PCDHA11: variants seen among roughly 807,000 people sequenced by gnomAD.
PCDHA11 encodes protocadherin alpha 11.
PCDHA11 carries 61 observed loss-of-function variants against 70.3 expected under a neutral mutation model. The observed-to-expected ratio is 0.87, with a 90% CI of 0.71 to 1.07. PCDHA11 has a LOEUF of 1.07. PCDHA11 is among the 50% of genes least tolerant of loss of function. PCDHA11 has a pLI of 0.00. For missense variants in PCDHA11, 1,324 were observed against 1,237.5 expected, an observed-to-expected ratio of 1.07 and a Z score of -1.05; for synonymous variants, 633 against 555.1, an observed-to-expected ratio of 1.14 and a Z score of -1.97.
chr5:140,895,820 T>A (rs1409721318), intron 1 of PCDHA11, among the ~76,000 whole-genome samples: 2 of 152,156 alleles, frequency 1.3e-5, no homozygotes, highest in Non-Finnish European at 2.9e-5. Context: ...TATTGTATTG[T>A]ATTTTTTTCA....
In PCDHA11 at chr5:141,000,775, C is replaced by T. The variant is rs919489031; in HGVS notation, c.2540-8852C>T. 3.3e-5 allele frequency among the ~76,000 whole-genome samples: 5 copies of T among 151,752 alleles called. No homozygotes were observed. In the East Asian group the frequency reaches 5.8e-4, roughly 18 times the overall value. On this transcript the variant is annotated intron_variant, in intron 3 of 3. Transcript: ENST00000398640. ...AAAAAATCTTAGCCAGGCATAGTGG[C>T]GCACACCTGTATTCCTAGCTACTCA...
intron 3 of PCDHA11, among the ~76,000 whole-genome samples, chr5:140,989,611 A>G (rs2097350612): frequency 6.6e-6 from 1 of 152,232 alleles, no homozygotes. Flanking sequence ...ACTAAAAATG[A>G]AAGTCTGTCC....
chr5:141,009,720 C>G lies in PCDHA11; in HGVS notation c.2633C>G (p.Ser878Cys), dbSNP rs782119637. ...FKYGPGNPKQ[S>C]GPGELPDKFI... ...TACGGACCAGGCAACCCCAAACAAT[C>G]CGGTCCCGGTGAGTTGCCCGACAAA... The change falls in exon 4 of 4, where the codon TCC (serine) becomes TGC (cysteine). Residue 878 changes from serine to cysteine, a missense_variant. Transcript: ENST00000398640. 1 of 1,614,180 alleles carries G rather than the reference C, an allele frequency of 6.2e-7. No individual in the cohort carries two copies. The highest frequency in any genetic ancestry group is 2.2e-5 in the East Asian group (1 of 44,872).
chr5:140,954,610 A>T (rs1464657596), intron 1 of PCDHA11, among the ~76,000 whole-genome samples: 1 of 151,962 alleles, frequency 6.6e-6, no homozygotes, highest in East Asian at 1.9e-4. Flanking sequence ...CCACTTTTTA[A>T]TGGGCTTGTT....
intron 1 of PCDHA11, among the ~76,000 whole-genome samples, chr5:140,963,206 A>C (rs988428405): frequency 2.0e-5 from 3 of 152,084 alleles, no homozygotes; most frequent in East Asian, 1.9e-4. Flanking sequence ...GAAAAAAAAA[A>C]CCTCGTGTTT....
chr5:140,929,064 T>A (rs550251743), intron 1 of PCDHA11: 1 of 1,614,162 alleles, frequency 6.2e-7, no homozygotes, highest in South Asian at 1.1e-5. Context: ...CTACAGAGGA[T>A]CTGAGGTATG....
intron 1 of PCDHA11, chr5:140,926,750 G>C (rs2083528007): frequency 8.0e-7 from 1 of 1,256,516 alleles, no homozygotes; most frequent in Non-Finnish European, 1.0e-6. Flanking sequence ...AACGTCGGCG[G>C]TCGCTGAGTA....
intron 1 of PCDHA11, among the ~76,000 whole-genome samples, chr5:140,886,931 G>A (rs1426144437): frequency 6.6e-6 from 1 of 151,756 alleles, no homozygotes; most frequent in Non-Finnish European, 1.5e-5. Context: ...CTATGTGCCA[G>A]GCATGTTCTA....
chr5:140,887,955 CTTTT>C (rs2061644555), intron 1 of PCDHA11, among the ~76,000 whole-genome samples: 2 of 152,088 alleles, frequency 1.3e-5, no homozygotes, highest in African/African-American at 4.8e-5. Flanking sequence ...GTATAAGATT[CTTTT>C]TGTCTCTTTT....
intron 3 of PCDHA11, among the ~76,000 whole-genome samples, chr5:141,008,228 T>C (rs2098365726): frequency 1.3e-5 from 2 of 152,210 alleles, no homozygotes; most frequent in African/African-American, 4.8e-5. Context: ...GTTAGAAAAT[T>C]ACTGCTCAGG....
chr5:140,923,339 A>C (rs1341190939), intron 1 of PCDHA11, among the ~76,000 whole-genome samples: 2 of 152,154 alleles, frequency 1.3e-5, no homozygotes, highest in Non-Finnish European at 2.9e-5. Context: ...CAGTTTGGGC[A>C]ACATAGTGGG....
intron 1 of PCDHA11, among the ~76,000 whole-genome samples, chr5:140,941,907 CT>C (rs1379926904): frequency 7.2e-5 from 11 of 152,106 alleles, no homozygotes; most frequent in African/African-American, 2.7e-4. Context: ...CATTGAAATG[CT>C]TTTATGTATA....
chr5:140,882,406 C>T, intron 1 of PCDHA11: 3 of 1,614,138 alleles, frequency 1.9e-6, no homozygotes, highest in Non-Finnish European at 2.5e-6. Context: ...CCTTCGTGGG[C>T]CGCATCGCTC....
intron 3 of PCDHA11, among the ~76,000 whole-genome samples, chr5:141,004,893 C>A (rs1339074840): frequency 1.3e-5 from 2 of 152,154 alleles, no homozygotes; most frequent in African/African-American, 4.8e-5. Flanking sequence ...ATTGTGTCAG[C>A]TCTGCCAGGG....
In PCDHA11 at chr5:140,961,136, G is replaced by A. The variant is rs1474839905; in HGVS notation, c.2392-17813G>A. On this transcript the variant is annotated intron_variant, in intron 1 of 3. Coordinates refer to ENST00000398640, the MANE Select transcript of PCDHA11 (RefSeq NM_018902.5). ...TGCATCTTAATGTCTTGGCACTTAA[G>A]AGTTGGCATATTATTTCAGTACATA... is the stretch of plus-strand genomic sequence containing the variant. Among the ~76,000 whole-genome samples the A allele has an allele frequency of 3.9e-5, 6 of 152,270 alleles. No homozygotes were observed. The East Asian group carries it at 1.2e-3, about 29-fold the overall frequency.
At chr5:140,876,207 C>A (rs251377) in intron 1 of PCDHA11, 776,282 of 1,613,510 alleles carry the variant, frequency 0.48, 188,573 homozygotes, top group South Asian at 0.57. Flanking sequence ...TTGATAAGCC[C>A]AGCTATAAAG....
intron 1 of PCDHA11, among the ~76,000 whole-genome samples, chr5:140,909,861 A>C (rs782745985): frequency 6.6e-6 from 1 of 152,186 alleles, no homozygotes. Context: ...GGTCCCCTGG[A>C]GTCAACGTCA....
At position 141,009,800 on chromosome 5, in the gene PCDHA11, A is replaced by G. The variant is rs148436868; in HGVS notation, c.2713A>G (p.Ser905Gly). The stretch of plus-strand genomic sequence containing the variant: ...CTCCATCCGGCAGGAGCCTACTAAC[A>G]GCCAAATTGACAAAAGTGACTTCAT... ...IISIRQEPTN[S>G]QIDKSDFITF... The change falls in exon 4 of 4, where the codon AGC (serine) becomes GGC (glycine). Residue 905 changes from serine to glycine, a missense_variant. By Grantham distance (56) the Ser-to-Gly change is moderately conservative (BLOSUM62 0). Coordinates refer to ENST00000398640, the MANE Select transcript of PCDHA11 (RefSeq NM_018902.5). 1.2e-4 allele frequency: 190 copies of G among 1,614,158 alleles called. No individual in the cohort carries two copies. In the African/African-American group the frequency reaches 2.3e-3, roughly 19 times the overall value.
intron 1 of PCDHA11, among the ~76,000 whole-genome samples, chr5:140,919,250 T>G (rs1471325437): frequency 6.6e-6 from 1 of 152,236 alleles, no homozygotes; most frequent in African/African-American, 2.4e-5. Flanking sequence ...TTGTCTGTTT[T>G]GTCTGATATT....
Sources: gnomAD v4.1 joint callset for allele counts (sites outside exome capture counted in the v4.1 genomes callset) on GRCh38, gnomAD v4.1.1 for gene constraint, MANE v1.5 for transcripts, NCBI Gene and HGNC (gene_info 2026-07-23, HGNC 2026-07-21) for gene names.